Variants in MED22 observed in about 807,000 individuals in gnomAD.
MED22 encodes the protein mediator of RNA polymerase II transcription subunit 22.
A neutral mutation model predicts 22.7 loss-of-function variants in MED22; 22 were observed. The ratio of observed to expected loss-of-function variants is 0.97; its 90% CI spans 0.69 to 1.38. The LOEUF is 1.38. Ranked by LOEUF, MED22 falls within the 40% of genes most tolerant of loss-of-function variation. The pLI is 0.00. For missense variants in MED22, 247 were observed against 263.0 expected (o/e 0.94, Z 0.42); for synonymous variants, 134 against 119.4 (o/e 1.12, Z -0.80).
intron 3 of MED22, 25 bp from the exon 4 acceptor site, chr9:133,344,358 G>C: frequency 6.2e-7 from 1 of 1,612,570 alleles, no homozygotes; most frequent in Non-Finnish European, 8.5e-7. Context: ...ACCAGGGCGG[G>C]CACAGGGTGA....
At chr9:133,345,750 G>A (rs1052756813) in intron 2 of MED22, among the ~76,000 whole-genome samples, 1 of 152,192 alleles carries the variant, frequency 6.6e-6, no homozygotes, top group African/African-American at 2.4e-5. Context: ...TGCCACCCCT[G>A]GTGTATAGGT....
At chr9:133,345,101 C>T in intron 3 of MED22, 71 bp downstream of exon 3, 3 of 1,496,434 alleles carry the variant, frequency 2.0e-6, no homozygotes, top group Non-Finnish European at 2.8e-6. Flanking sequence ...GCCCCCTCCA[C>T]TCCACCCAGG....
chr9:133,339,081 T>G lies in MED22; in HGVS notation c.*2424A>C. The stretch of plus-strand genomic sequence containing the variant: ...GCAGTTGTTCCTTTGGCCAAGTATA[T>G]GCAAATTGATGAGAAAGGTGATATT... On this transcript the variant is annotated 3_prime_UTR_variant, in exon 5 of 5. Transcript: ENST00000343730. 1.5e-6 allele frequency: 1 copy of G among 681,232 alleles called. No individual in the cohort carries two copies. The highest frequency in any genetic ancestry group is 1.4e-5 in the South Asian group (1 of 73,442). 42.2% of individuals were successfully genotyped at this position (681,232 alleles called of 1,614,324 possible). A position where few individuals can be genotyped will look rare whatever the true frequency, so the allele number is the denominator to read the frequency against.
chr9:133,341,732 C>T, intron 4 of MED22, 38 bp from the exon 5 acceptor site: 5 of 1,589,252 alleles, frequency 3.1e-6, no homozygotes, highest in South Asian at 1.1e-5. Flanking sequence ...GAGACAGGAG[C>T]AGGCAGAGAG....
At chr9:133,344,073 G>T (rs1434529956) in intron 4 of MED22, 52 bp downstream of exon 4, 2 of 1,604,402 alleles carry the variant, frequency 1.2e-6, no homozygotes, top group East Asian at 2.2e-5. Context: ...TGCTGGCCAG[G>T]CCCAGGTAGG....
Position 133,339,200 on chromosome 9 carries a change from G to A in MED22, c.*2305C>T. 4.3e-6 allele frequency: 3 copies of A among 694,380 alleles called. No homozygotes were observed. The highest frequency in any genetic ancestry group is 5.4e-6 in the Non-Finnish European group (2 of 373,158). 43.0% of individuals were successfully genotyped at this position (694,380 alleles called of 1,614,324 possible). On this transcript the variant is annotated 3_prime_UTR_variant, in exon 5 of 5. Coordinates refer to ENST00000343730, the MANE Select transcript of MED22 (RefSeq NM_133640.5). ...GAGAGTCTACAGTGTTCCCCAGCAT[G>A]CTGTTGGCACTGTTGTAAACAAGTA... is the stretch of plus-strand genomic sequence containing the variant.
Position 133,348,061 on chromosome 9 carries a change from G to C in MED22, c.-178C>G, listed in dbSNP as rs2129975876. The C allele has an allele frequency of 1.2e-6, 1 of 810,206 alleles. No homozygotes were observed. The highest frequency in any genetic ancestry group is 2.0e-6 in the Non-Finnish European group (1 of 490,798). The allele number at this position is 810,206 out of a possible 1,614,324, so 50.2% of individuals were successfully genotyped here. A position where few individuals can be genotyped will look rare whatever the true frequency, so the allele number is the denominator to read the frequency against. Reference sequence around the variant, plus strand: ...CGCCGCAGTCTCTCTTCCCCGCCGCGCCGCGGTCCGAAAACCTAGTCAGCC... The same window carrying C: ...CGCCGCAGTCTCTCTTCCCCGCCGCCCCGCGGTCCGAAAACCTAGTCAGCC... On this transcript the variant is annotated 5_prime_UTR_variant, in exon 1 of 5. Transcript: ENST00000343730.
rs2129950476 is a variant in MED22, at chr9:133,341,717, A to G, written c.414-23T>C. The G allele has an allele frequency of 1.3e-6, 2 of 1,597,684 alleles. 1 individual carries two copies. The highest frequency in any genetic ancestry group is 4.6e-5 in the East Asian group (2 of 43,324). ...GAGCTTTTCCACCACCAGAAACCCC[A>G]GGGAGAGACAGGAGCAGGCAGAGAG... On this transcript the variant is annotated intron_variant, in intron 4 of 4. Coordinates refer to ENST00000343730, the MANE Select transcript of MED22 (RefSeq NM_133640.5).
Position 133,345,300 on chromosome 9 carries a change from C to T in MED22, c.124-48G>A, listed in dbSNP as rs2129964740. 1.1e-5 allele frequency: 18 copies of T among 1,579,052 alleles called. No homozygotes were observed. The South Asian group carries it at 2.0e-4, about 18-fold the overall frequency. ...AGAAATCAACCCAGCCAAGGCATCC[C>T]CACCCCTGGCCCGGCCCAGCCCAGC... On this transcript the variant is annotated intron_variant, in intron 2 of 4. Coordinates refer to ENST00000343730, the MANE Select transcript of MED22 (RefSeq NM_133640.5).
Position 133,348,080 on chromosome 9 carries a change from G to A in MED22, c.-197C>T. ...CGCCGCGCCGCGGTCCGAAAACCTAGTCAGCCGCCGCAGCCTCTCGGCCCC... is the reference window on the plus strand; with the variant it reads ...CGCCGCGCCGCGGTCCGAAAACCTAATCAGCCGCCGCAGCCTCTCGGCCCC... On this transcript the variant is annotated 5_prime_UTR_variant, in exon 1 of 5. Coordinates refer to ENST00000343730, the MANE Select transcript of MED22 (RefSeq NM_133640.5). 3.9e-6 allele frequency: 4 copies of A among 1,017,264 alleles called. No individual in the cohort carries two copies. The highest frequency in any genetic ancestry group is 2.8e-5 in the South Asian group (2 of 70,730). 63.0% of individuals were successfully genotyped at this position (1,017,264 alleles called of 1,614,324 possible).
Position 133,346,644 on chromosome 9 carries a change from G to T in MED22, c.19C>A (p.Leu7Met). 6.2e-7 allele frequency: 1 copy of T among 1,612,112 alleles called. No homozygotes were observed. Residue 7 changes from leucine (L) to methionine (M), a missense_variant, in exon 2 of 5, where the codon CTG becomes ATG. Leu to Met is a conservative substitution (Grantham distance 15). Transcript: ENST00000343730. MAQQRA[L>M]PQSKETLLQS... Reference sequence around the variant, plus strand: ...AGCAGCGTCTCCTTGCTCTGGGGCAGGGCTCTCTGCTGGGCCATGGCCGAG... The same window carrying T: ...AGCAGCGTCTCCTTGCTCTGGGGCATGGCTCTCTGCTGGGCCATGGCCGAG...
Position 133,342,150 on chromosome 9 carries a change from G to A in MED22, c.414-456C>T, listed in dbSNP as rs1836023939. 4 of 1,000,408 alleles carry A rather than the reference G, an allele frequency of 4.0e-6. No individual in the cohort carries two copies. In the African/African-American group the frequency reaches 5.2e-5, roughly 13 times the overall value. The allele number at this position is 1,000,408 out of a possible 1,614,324, so 62.0% of individuals were successfully genotyped here. On this transcript the variant is annotated intron_variant, in intron 4 of 4. Coordinates refer to ENST00000343730, the MANE Select transcript of MED22 (RefSeq NM_133640.5). ...GTTCTTTCTGGGTCTGTCCCTGCCT[G>A]AGACTTAGCCTGAAGGGGGCGACAG...
At position 133,342,639 on chromosome 9, in the gene MED22, A is replaced by AG. The variant is rs1190887313; in HGVS notation, c.414-946dup. On this transcript the variant is annotated intron_variant, in intron 4 of 4. Transcript: ENST00000343730. ...ACTCGGCCAGGACCTGGTCGCTTAA[A>AG]GGCAATGTACAGAGGAGGGCAACTG... The AG allele has an allele frequency of 9.1e-6, 9 of 985,998 alleles. 1 individual carries two copies. The Admixed American group carries it at 4.3e-4, about 47-fold the overall frequency. 61.1% of individuals were successfully genotyped at this position (985,998 alleles called of 1,614,324 possible). A position where few individuals can be genotyped will look rare whatever the true frequency, so the allele number is the denominator to read the frequency against.
rs2129956678 is a variant in MED22 at position 133,343,427 on chromosome 9, C to T, written c.413+698G>A. The T allele has an allele frequency of 9.8e-6, 12 of 1,225,682 alleles. No individual in the cohort carries two copies. In the South Asian group the frequency reaches 1.7e-4, roughly 17 times the overall value. 75.9% of individuals were successfully genotyped at this position (1,225,682 alleles called of 1,614,324 possible). On this transcript the variant is annotated intron_variant, in intron 4 of 4. Coordinates refer to ENST00000343730, the MANE Select transcript of MED22 (RefSeq NM_133640.5). ...TTTCTCAGGGCCCCTCCAGCTCAAA[C>T]GGTCGAAGGTTTCAGCTTCTTACGG... is the stretch of plus-strand genomic sequence containing the variant.
chr9:133,342,696 A>AG (rs1836044745), intron 4 of MED22: 6 of 985,714 alleles, frequency 6.1e-6, no homozygotes, highest in Non-Finnish European at 6.0e-6. Context: ...GAGGCCCCCC[A>AG]GGGGGCGCTG....
rs2129968623 is a variant in MED22, at chr9:133,346,537, C to G, written c.123+3G>C. 6.2e-7 allele frequency: 1 copy of G among 1,612,430 alleles called. No individual in the cohort carries two copies. The highest frequency in any genetic ancestry group is 1.1e-5 in the South Asian group (1 of 91,068). On this transcript the variant is annotated splice_donor_region_variant and intron_variant, in intron 2 of 4. Transcript: ENST00000343730. ...TCCCCTTGGTGGGCCACCCCACCCCCACCTTGGCGGTCTTGATGATCTCGG... is the reference window on the plus strand; with the variant it reads ...TCCCCTTGGTGGGCCACCCCACCCCGACCTTGGCGGTCTTGATGATCTCGG...
At chr9:133,342,651 G>C (rs1159353818) in intron 4 of MED22, 6 of 985,788 alleles carry the variant, frequency 6.1e-6, no homozygotes, top group Admixed American at 6.1e-5. Flanking sequence ...GCAATGTACA[G>C]AGGAGGGCAA....
chr9:133,346,417 C>T (rs1836180358), intron 2 of MED22, 123 bp downstream of exon 2: 4 of 1,240,274 alleles, frequency 3.2e-6, no homozygotes, highest in African/African-American at 1.5e-5. Flanking sequence ...TACTGACCAG[C>T]TCCCTGTGCA....
intron 1 of MED22, 150 bp from the exon 2 acceptor site, chr9:133,346,850 G>C: frequency 1.3e-6 from 1 of 771,496 alleles, no homozygotes; most frequent in Non-Finnish European, 2.0e-6. Context: ...CATTCCATCA[G>C]CAGACACCGC....
Sources: allele counts gnomAD v4.1 joint callset (sites outside exome capture counted in the v4.1 genomes callset), GRCh38; gene constraint gnomAD v4.1.1; transcripts MANE v1.5; gene names NCBI Gene and HGNC (gene_info 2026-07-23, HGNC 2026-07-21).